The following HLCS variants were observed in gnomAD, a reference collection of about 807,000 sequenced individuals.
HLCS encodes the protein biotin--protein ligase.
HLCS carries 53 observed loss-of-function variants against 75.0 expected under a neutral mutation model. The ratio of observed to expected loss-of-function variants is 0.71; its 90% confidence interval spans 0.57 to 0.89. HLCS has a LOEUF of 0.89. HLCS is among the 40% of genes least tolerant of loss of function. The pLI is 0.00. For missense variants in HLCS, 966 were observed against 1,074.0 expected, an observed-to-expected ratio of 0.90 and a Z score of 1.41; for synonymous variants, 431 against 428.6, an observed-to-expected ratio of 1.01 and a Z score of -0.07.
At position 36,749,236 on chromosome 21, in the gene HLCS, T is replaced by C. The variant is rs2051397; in HGVS notation, c.*5010A>G. The C allele has an allele frequency of 0.54, 82,139 of 152,520 alleles. 22,621 individuals are homozygous for C. Among genetic ancestry groups the C allele is most frequent in the Middle Eastern group, 0.68 (199 of 292 alleles). The allele number at this position is 152,520 out of a possible 1,614,324, so 9.4% of individuals were successfully genotyped here. A position where few individuals can be genotyped will look rare whatever the true frequency, so the allele number is the denominator to read the frequency against. Reference sequence around the variant, plus strand: ...AAGATCTCAACATGGAAAAATCCTGTCATGGCTCTGAACTGCACAATGCAT... The same window carrying C: ...AAGATCTCAACATGGAAAAATCCTGCCATGGCTCTGAACTGCACAATGCAT... On this transcript the variant is annotated 3_prime_UTR_variant, in exon 11 of 11. Transcript: ENST00000674895.
At chr21:36,771,843 C>T (rs2060217825) in intron 6 of HLCS, among the ~76,000 whole-genome samples, 1 of 151,756 alleles carries the variant, frequency 6.6e-6, no homozygotes, top group African/African-American at 2.4e-5. Flanking sequence ...ATTAAAAATA[C>T]AAAAAATTAG....
chr21:36,810,956 T>A (rs1286012592), intron 6 of HLCS, among the ~76,000 whole-genome samples: 1 of 152,146 alleles, frequency 6.6e-6, no homozygotes, highest in African/African-American at 2.4e-5. Context: ...TCATAATTAA[T>A]AATAAAATTC....
chr21:36,841,588 T>C (rs1007500648), intron 6 of HLCS, among the ~76,000 whole-genome samples: 3 of 152,094 alleles, frequency 2.0e-5, no homozygotes, highest in African/African-American at 4.8e-5. Flanking sequence ...AGCACGGGAG[T>C]CAAAATCCTA....
intron 8 of HLCS, among the ~76,000 whole-genome samples, chr21:36,762,206 G>A (rs1480170092): frequency 2.0e-5 from 3 of 152,202 alleles, no homozygotes; most frequent in East Asian, 3.8e-4. Context: ...AAAGCCACAC[G>A]TGGTGGATAC....
At chr21:36,935,570 G>A (rs1023485454) in intron 4 of HLCS, among the ~76,000 whole-genome samples, 29 of 152,056 alleles carry the variant, frequency 1.9e-4, no homozygotes, top group African/African-American at 6.8e-4. Context: ...CACTTATCTT[G>A]GGAACTCTTC....
At chr21:36,898,468 A>G (rs1283906240) in intron 5 of HLCS, among the ~76,000 whole-genome samples, 6 of 148,602 alleles carry the variant, frequency 4.0e-5, no homozygotes, top group Non-Finnish European at 7.5e-5. Flanking sequence ...AAAAAAAAAG[A>G]CAAGAAAAGA....
At chr21:36,939,038 G>A in intron 2 of HLCS, 44 bp from the exon 3 acceptor site, 3 of 1,545,256 alleles carry the variant, frequency 1.9e-6, no homozygotes, top group Non-Finnish European at 2.6e-6. Context: ...AAGACAGGTT[G>A]AGATTTTTCT....
Position 36,751,803 on chromosome 21 carries a change from A to G in HLCS, c.*2443T>C, listed in dbSNP as rs561055554. The G allele has an allele frequency of 6.6e-6, 1 of 152,092 alleles. No individual in the cohort carries two copies. Among genetic ancestry groups the G allele is most frequent in the Non-Finnish European group, 1.5e-5 (1 of 68,030 alleles). 9.4% of individuals were successfully genotyped at this position (152,092 alleles called of 1,614,324 possible). On this transcript the variant is annotated 3_prime_UTR_variant, in exon 11 of 11. Transcript: ENST00000674895. Reference sequence around the variant, plus strand: ...ACCCGTTACCAGCCTGGAAGGGAGGATATCTTGCCTTTTACAAAATACGGT... The same window carrying G: ...ACCCGTTACCAGCCTGGAAGGGAGGGTATCTTGCCTTTTACAAAATACGGT...
chr21:36,928,114 A>G (rs978271195), intron 5 of HLCS, among the ~76,000 whole-genome samples: 4 of 152,184 alleles, frequency 2.6e-5, no homozygotes, highest in Non-Finnish European at 5.9e-5. Flanking sequence ...TGCAGGAGGA[A>G]TTCAGCTGCC....
At chr21:36,781,042 G>A (rs8134332) in intron 6 of HLCS, among the ~76,000 whole-genome samples, 69 of 147,230 alleles carry the variant, frequency 4.7e-4, no homozygotes, top group African/African-American at 9.8e-4. Flanking sequence ...CACAGCTCAC[G>A]TTACCACCTG....
intron 2 of HLCS, among the ~76,000 whole-genome samples, chr21:36,939,298 C>T (rs1291856636): frequency 6.6e-6 from 1 of 152,194 alleles, no homozygotes; most frequent in Non-Finnish European, 1.5e-5. Flanking sequence ...ACTGGAAAAA[C>T]ACCATGCTGC....
At chr21:36,864,061 A>T (rs2063472355) in intron 6 of HLCS, among the ~76,000 whole-genome samples, 1 of 152,214 alleles carries the variant, frequency 6.6e-6, no homozygotes, top group Non-Finnish European at 1.5e-5. Flanking sequence ...AGTGTGTTCA[A>T]AGGAATCAAA....
Position 36,936,467 on chromosome 21 carries a change from T to C in HLCS, c.1419A>G (p.Gly473=). The part of the protein sequence containing the change: ...IVHVPFGTRG[G]EAVLCQVHLE... ...TGAGTACCTGGCAAAGAACAGCTTC[T>C]CCCCCGCGAGTTCCAAAAGGCACAT... Residue 473 remains glycine, a synonymous_variant, in exon 4 of 11, where the codon GGA becomes GGG. Transcript: ENST00000674895. 1 of 1,614,036 alleles carries C rather than the reference T, an allele frequency of 6.2e-7. No individual in the cohort carries two copies. Among genetic ancestry groups the C allele is most frequent in the Non-Finnish European group, 8.5e-7 (1 of 1,179,908 alleles).
chr21:36,899,825 C>T (rs1048416263), intron 5 of HLCS, among the ~76,000 whole-genome samples: 3 of 152,050 alleles, frequency 2.0e-5, no homozygotes, highest in Admixed American at 6.6e-5. Flanking sequence ...TAAAAAAGTC[C>T]GGGCGCAGTG....
At chr21:36,884,122 A>T (rs184180517) in intron 6 of HLCS, among the ~76,000 whole-genome samples, 8 of 152,300 alleles carry the variant, frequency 5.3e-5, no homozygotes, top group Non-Finnish European at 1.0e-4. Flanking sequence ...ACTTACCTAG[A>T]TCAGTTTATT....
intron 2 of HLCS, among the ~76,000 whole-genome samples, chr21:36,941,240 G>C (rs1477309441): frequency 6.6e-6 from 1 of 152,152 alleles, no homozygotes; most frequent in African/African-American, 2.4e-5. Flanking sequence ...GTGTTTGGTA[G>C]TTTCCTCTCT....
rs1435870888 is a variant in HLCS, at chr21:36,936,940, C to A, written c.946G>T (p.Gly316Cys). Residue 316 changes from glycine to cysteine, a missense_variant, in exon 4 of 11, where the codon GGC (glycine) becomes TGC (cysteine). Physicochemically the swap from Gly to Cys is radical, Grantham distance 159 (BLOSUM62 -3). Transcript: ENST00000674895. Reference protein sequence around the residue: ...GKAPNILLYVGSDSQEALGRF... With the variant: ...GKAPNILLYVCSDSQEALGRF... ...CCGAGGGCTTCCTGGGAGTCGGAGC[C>A]CACATAGAGGAGGATGTTGGGTGCC... The A allele has an allele frequency of 1.1e-5, 18 of 1,614,122 alleles. No individual in the cohort carries two copies. The highest frequency in any genetic ancestry group is 1.5e-5 in the Non-Finnish European group (18 of 1,180,024).
intron 6 of HLCS, among the ~76,000 whole-genome samples, chr21:36,887,769 T>C (rs2064534830): frequency 6.6e-6 from 1 of 152,246 alleles, no homozygotes; most frequent in Non-Finnish European, 1.5e-5. Context: ...AGCAATCAAC[T>C]TCTTTAAAAC....
At chr21:36,771,877 T>TA (rs2060219440) in intron 6 of HLCS, among the ~76,000 whole-genome samples, 1 of 151,822 alleles carries the variant, frequency 6.6e-6, no homozygotes, top group Non-Finnish European at 1.5e-5. Context: ...CGGGTGCCTG[T>TA]AATCCCAGCT....
Sources: allele counts gnomAD v4.1 joint callset (sites outside exome capture counted in the v4.1 genomes callset), GRCh38; gene constraint gnomAD v4.1.1; transcripts MANE v1.5; gene names NCBI Gene and HGNC (gene_info 2026-07-23, HGNC 2026-07-21).